HSD17B12: variants seen among roughly 807,000 people sequenced by gnomAD.
HSD17B12 encodes the protein hydroxysteroid 17-beta dehydrogenase 12, also known as very-long-chain 3-oxoacyl-CoA reductase.
Under a neutral mutation model 39.3 loss-of-function variants are expected in HSD17B12, and 32 were observed. The observed-to-expected ratio is 0.81, with a 90% CI of 0.61 to 1.09. The LOEUF (loss-of-function observed/expected upper bound fraction) is 1.09, where lower values mean the gene tolerates loss of function less well. Among genes scored for constraint, HSD17B12 ranks in the 50% least tolerant of loss-of-function variants. The pLI, the probability that HSD17B12 is intolerant of heterozygous loss-of-function variation, is 0.00. For synonymous variants in HSD17B12, 150 were observed against 146.7 expected (o/e 1.02, Z -0.16); for missense variants, 342 against 382.9 (o/e 0.89, Z 0.89).
At chr11:43,593,022 A>G in the HSD17B12 span, among the ~76,000 whole-genome samples, 1 of 152,270 alleles carries the variant, frequency 6.6e-6, no homozygotes. Flanking sequence ...TTATTCCAAC[A>G]TCTTAGCTTA....
chr11:43,610,562 G>T, the HSD17B12 span, among the ~76,000 whole-genome samples: 2 of 152,108 alleles, frequency 1.3e-5, no homozygotes, highest in Non-Finnish European at 2.9e-5. Flanking sequence ...CTGAATTTCA[G>T]TTTCCCCATA....
chr11:43,561,421 C>T, the HSD17B12 span, among the ~76,000 whole-genome samples: 1 of 152,134 alleles, frequency 6.6e-6, no homozygotes, highest in South Asian at 2.1e-4. Context: ...TCCTGATGGA[C>T]CCAATAAAAA....
chr11:43,785,751 ATT>A (rs1031546361), intron 3 of HSD17B12, among the ~76,000 whole-genome samples: 3 of 152,146 alleles, frequency 2.0e-5, no homozygotes, highest in Non-Finnish European at 2.9e-5. Context: ...AATTATATCA[ATT>A]TTTTACACTG....
At chr11:43,668,067 A>AACAC in the HSD17B12 span, among the ~76,000 whole-genome samples, 7 of 151,642 alleles carry the variant, frequency 4.6e-5, no homozygotes, top group African/African-American at 1.7e-4. Flanking sequence ...TTCCTTACGG[A>AACAC]ACACACACAC....
At chr11:43,676,456 G>A (rs190131979), upstream of HSD17B12, among the ~76,000 whole-genome samples, 125 of 152,246 alleles carry the variant, frequency 8.2e-4, no homozygotes, top group African/African-American at 3.0e-3. Context: ...GAGACGTAAA[G>A]AGAGCTGGGG....
the HSD17B12 span, among the ~76,000 whole-genome samples, chr11:43,566,501 C>T: frequency 6.6e-6 from 1 of 151,966 alleles, no homozygotes; most frequent in Non-Finnish European, 1.5e-5. Flanking sequence ...TCTTGGGGCT[C>T]CTACTATTGC....
At chr11:43,654,385 A>C in the HSD17B12 span, among the ~76,000 whole-genome samples, 1 of 152,064 alleles carries the variant, frequency 6.6e-6, no homozygotes, top group Non-Finnish European at 1.5e-5. Flanking sequence ...GCTGTGCAGA[A>C]GCTCTTTAGT....
At chr11:43,798,201 T>C (rs977635221) in intron 3 of HSD17B12, 119 bp from the exon 4 acceptor site, 1 of 637,934 alleles carries the variant, frequency 1.6e-6, no homozygotes, top group Non-Finnish European at 2.8e-6. Context: ...GGTGTAAATT[T>C]TGTATCAAAT....
chr11:43,744,183 G>A (rs1401025546), intron 1 of HSD17B12, among the ~76,000 whole-genome samples: 1 of 152,178 alleles, frequency 6.6e-6, no homozygotes, highest in Admixed American at 6.5e-5. Flanking sequence ...AGAGAAAAAT[G>A]TGAGGCAGAT....
At chr11:43,583,983 G>C in the HSD17B12 span, among the ~76,000 whole-genome samples, 1 of 152,156 alleles carries the variant, frequency 6.6e-6, no homozygotes, top group African/African-American at 2.4e-5. Context: ...TGTGGAGCTA[G>C]GGAAGGGTTT....
the HSD17B12 span, among the ~76,000 whole-genome samples, chr11:43,625,872 C>CT: frequency 6.6e-6 from 1 of 151,302 alleles, no homozygotes; most frequent in African/African-American, 2.4e-5. Context: ...TTGGCAATTT[C>CT]TAAATTTTAA....
At chr11:43,613,402 AC>A in the HSD17B12 span, among the ~76,000 whole-genome samples, 1 of 151,484 alleles carries the variant, frequency 6.6e-6, no homozygotes, top group East Asian at 1.9e-4. Context: ...AAAAAAAAAA[AC>A]AACAAAACAA....
intron 1 of HSD17B12, among the ~76,000 whole-genome samples, chr11:43,722,426 TAGGC>T (rs1281239866): frequency 6.6e-5 from 10 of 152,166 alleles, no homozygotes; most frequent in Admixed American, 6.5e-4. Context: ...TGTCAAGAAT[TAGGC>T]AAGGAGACTA....
intron 1 of HSD17B12, among the ~76,000 whole-genome samples, chr11:43,738,743 C>T (rs1261358061): frequency 6.6e-6 from 1 of 152,168 alleles, no homozygotes; most frequent in East Asian, 1.9e-4. Flanking sequence ...ATGATCCAGA[C>T]AGACCCTGCT....
At chr11:43,715,511 G>T (rs529172827) in intron 1 of HSD17B12, among the ~76,000 whole-genome samples, 9 of 152,182 alleles carry the variant, frequency 5.9e-5, no homozygotes, top group Non-Finnish European at 1.2e-4. Flanking sequence ...TTGATGTGCT[G>T]CTGGATTTGG....
intron 5 of HSD17B12, 30 bp from the exon 6 acceptor site, chr11:43,816,317 G>A (rs374467898): frequency 3.5e-5 from 50 of 1,438,408 alleles, no homozygotes; most frequent in Non-Finnish European, 4.7e-5. Flanking sequence ...ATGATCAAGT[G>A]TATATAAAAT....
At chr11:43,664,670 T>G in the HSD17B12 span, among the ~76,000 whole-genome samples, 1 of 152,230 alleles carries the variant, frequency 6.6e-6, no homozygotes, top group Admixed American at 6.5e-5. Context: ...AGCCTGGAAC[T>G]TCCCTTGAAG....
intron 1 of HSD17B12, among the ~76,000 whole-genome samples, chr11:43,692,917 A>T (rs1328744418): frequency 1.3e-5 from 2 of 152,214 alleles, no homozygotes; most frequent in African/African-American, 2.4e-5. Context: ...TATTTGCTTC[A>T]TGGAAATAAA....
the HSD17B12 span, among the ~76,000 whole-genome samples, chr11:43,582,781 T>C: frequency 6.6e-6 from 1 of 152,164 alleles, no homozygotes; most frequent in Non-Finnish European, 1.5e-5. Context: ...CTTTTATGGC[T>C]AAGACTGTGA....
Sources: allele counts gnomAD v4.1 joint callset (sites outside exome capture counted in the v4.1 genomes callset), GRCh38; gene constraint gnomAD v4.1.1; transcripts MANE v1.5; gene names NCBI Gene and HGNC (gene_info 2026-07-23, HGNC 2026-07-21).